The following FTO variants were observed in gnomAD, a reference collection of about 807,000 sequenced individuals.
FTO encodes the protein FTO alpha-ketoglutarate dependent dioxygenase.
A neutral mutation model predicts 63.9 loss-of-function variants in FTO; 47 were observed. The ratio of observed to expected loss-of-function variants is 0.74; its 90% CI spans 0.58 to 0.94. The LOEUF (loss-of-function observed/expected upper bound fraction) is 0.94. Among genes scored for constraint, FTO ranks in the 40% least tolerant of loss-of-function variants. The pLI, the probability that FTO is intolerant of heterozygous loss-of-function variation, is 0.00. For missense variants in FTO, 562 were observed against 618.1 expected (o/e 0.91, Z 0.96); for synonymous variants, 207 against 224.4 (o/e 0.92, Z 0.69).
At chr16:53,942,754 G>A (rs1444059380) in intron 8 of FTO, among the ~76,000 whole-genome samples, 1 of 152,214 alleles carries the variant, frequency 6.6e-6, no homozygotes, top group African/African-American at 2.4e-5. Context: ...TGGGCTGTGG[G>A]ATAATGAGAC....
chr16:53,983,678 T>C (rs1351336804), intron 8 of FTO, among the ~76,000 whole-genome samples: 1 of 151,692 alleles, frequency 6.6e-6, no homozygotes, highest in South Asian at 2.1e-4. Flanking sequence ...TGTCAACGAG[T>C]GAAGCAGGGG....
intron 1 of FTO, among the ~76,000 whole-genome samples, chr16:53,757,529 TATATA>T (rs1213986352): frequency 1.9e-4 from 29 of 151,432 alleles, no homozygotes; most frequent in Admixed American, 1.5e-3. Flanking sequence ...CCTATATTTA[TATATA>T]ATATGTGTGT....
At chr16:53,736,912 G>A (rs983055808) in intron 1 of FTO, among the ~76,000 whole-genome samples, 2 of 152,136 alleles carry the variant, frequency 1.3e-5, no homozygotes, top group Non-Finnish European at 2.9e-5. Context: ...CCCTCCCCCA[G>A]ATTTATGTGG....
At chr16:54,046,116 C>G (rs373733618) in intron 8 of FTO, among the ~76,000 whole-genome samples, 1 of 94,326 alleles carries the variant, frequency 1.1e-5, no homozygotes, top group Non-Finnish European at 1.8e-5. Context: ...CCAGGGCAAT[C>G]AAGCAGGAGA....
chr16:53,739,439 C>A (rs1331051360), intron 1 of FTO, among the ~76,000 whole-genome samples: 1 of 148,648 alleles, frequency 6.7e-6, no homozygotes, highest in Non-Finnish European at 1.5e-5. Flanking sequence ...TGGTCTTGAT[C>A]TCCTGACCTT....
At chr16:53,905,376 G>T (rs1351547265) in intron 7 of FTO, among the ~76,000 whole-genome samples, 1 of 152,142 alleles carries the variant, frequency 6.6e-6, no homozygotes, top group African/African-American at 2.4e-5. Context: ...GATAATAATA[G>T]TATCTCCCTT....
chr16:53,882,423 A>G (rs1332991146), intron 6 of FTO, among the ~76,000 whole-genome samples: 2 of 151,682 alleles, frequency 1.3e-5, no homozygotes, highest in African/African-American at 4.8e-5. Flanking sequence ...AGAACTAGAG[A>G]GCCTCCCTGT....
intron 1 of FTO, among the ~76,000 whole-genome samples, chr16:53,732,461 C>G (rs1168603427): frequency 6.6e-6 from 1 of 152,154 alleles, no homozygotes; most frequent in Non-Finnish European, 1.5e-5. Flanking sequence ...CCTCCTTCAC[C>G]TCTGTATGGT....
chr16:54,056,833 G>A (rs1009236269), intron 8 of FTO, among the ~76,000 whole-genome samples: 7 of 152,208 alleles, frequency 4.6e-5, no homozygotes, highest in Non-Finnish European at 1.5e-5. Flanking sequence ...AATAATGTTT[G>A]TTGTTTTAAC....
chr16:53,916,276 G>C (rs1404285021), intron 7 of FTO, among the ~76,000 whole-genome samples: 1 of 152,178 alleles, frequency 6.6e-6, no homozygotes, highest in Non-Finnish European at 1.5e-5. Flanking sequence ...CGGGCTAGCA[G>C]ACTGATGCCT....
chr16:54,025,668 G>A (rs1322476913), intron 8 of FTO, among the ~76,000 whole-genome samples: 2 of 151,632 alleles, frequency 1.3e-5, no homozygotes, highest in Non-Finnish European at 2.9e-5. Context: ...GTTGCAGTGA[G>A]TGACCGTGCC....
At chr16:53,910,299 G>A (rs528418324) in intron 7 of FTO, among the ~76,000 whole-genome samples, 1 of 152,274 alleles carries the variant, frequency 6.6e-6, no homozygotes, top group South Asian at 2.1e-4. Flanking sequence ...GATACACTTA[G>A]AAATTTGGCC....
intron 7 of FTO, among the ~76,000 whole-genome samples, chr16:53,894,304 A>G (rs778045011): frequency 2.0e-5 from 3 of 152,226 alleles, no homozygotes; most frequent in Non-Finnish European, 2.9e-5. Flanking sequence ...CTTCCTCAGC[A>G]TAGGTTACAC....
intron 2 of FTO, among the ~76,000 whole-genome samples, chr16:53,817,829 G>A (rs78633562): frequency 0.01 from 1,537 of 152,298 alleles, 21 homozygotes; most frequent in African/African-American, 0.034. Flanking sequence ...GGCCTGGCAT[G>A]CTGGCATTTT....
intron 8 of FTO, among the ~76,000 whole-genome samples, chr16:54,111,536 T>C (rs893322669): frequency 1.1e-4 from 16 of 152,262 alleles, no homozygotes; most frequent in African/African-American, 3.6e-4. Flanking sequence ...CCTGAGATAA[T>C]ACAAATCTGG....
intron 7 of FTO, among the ~76,000 whole-genome samples, chr16:53,925,096 A>T (rs1404358724): frequency 6.6e-6 from 1 of 150,522 alleles, no homozygotes; most frequent in African/African-American, 2.5e-5. Flanking sequence ...GGAAGGAGAG[A>T]AAAAAAGTGT....
chr16:54,092,824 G>C (rs1021430529), intron 8 of FTO, among the ~76,000 whole-genome samples: 2 of 152,112 alleles, frequency 1.3e-5, no homozygotes, highest in South Asian at 2.1e-4. Flanking sequence ...GGCTATTCAC[G>C]TGATCAACCC....
At position 53,711,391 on chromosome 16, in the gene FTO, T is replaced by C; in HGVS notation, c.45+7162T>C. 3 of 398,568 alleles carry C rather than the reference T, an allele frequency of 7.5e-6. No individual in the cohort carries two copies. The East Asian group carries it at 1.1e-4, about 14-fold the overall frequency. The allele number at this position is 398,568 out of a possible 1,614,324, so 24.7% of individuals were successfully genotyped here. A position where few individuals can be genotyped will look rare whatever the true frequency, so the allele number is the denominator to read the frequency against. On this transcript the variant is annotated intron_variant, in intron 1 of 8. Transcript: ENST00000471389. ...GAACCTGATTAAGTGTCGAGTAGTG[T>C]ACTCAGCACCAGGGTAAAGATGGCA...
At chr16:54,056,916 G>A (rs1045398809) in intron 8 of FTO, among the ~76,000 whole-genome samples, 1 of 152,184 alleles carries the variant, frequency 6.6e-6, no homozygotes, top group East Asian at 1.9e-4. Flanking sequence ...CACATGTATC[G>A]ATTCATTTAT....
Sources: allele counts gnomAD v4.1 joint callset (sites outside exome capture counted in the v4.1 genomes callset), GRCh38; gene constraint gnomAD v4.1.1; transcripts MANE v1.5; gene names NCBI Gene and HGNC (gene_info 2026-07-23, HGNC 2026-07-21).